CASP8: variants seen among roughly 807,000 people sequenced by gnomAD.
CASP8 encodes caspase 8.
In CASP8, 24 loss-of-function variants were observed where a neutral mutation model predicts 46.3. That is an observed-to-expected ratio of 0.52 (90% CI 0.38 to 0.73). CASP8 has a LOEUF of 0.73. CASP8 is among the 30% of genes least tolerant of loss of function. CASP8 has a pLI of 0.00. For synonymous variants in CASP8, 188 were observed against 200.4 expected (o/e 0.94, Z 0.52); for missense variants, 460 against 559.0 (o/e 0.82, Z 1.79).
intron 2 of CASP8, among the ~76,000 whole-genome samples, chr2:201,268,686 A>G (rs1948002921): frequency 6.6e-6 from 1 of 152,232 alleles, no homozygotes; most frequent in Admixed American, 6.5e-5. Context: ...TCAGAAGTCA[A>G]GATGCCAACA....
intron 7 of CASP8, among the ~76,000 whole-genome samples, chr2:201,277,274 G>A (rs1948696925): frequency 6.6e-6 from 1 of 152,126 alleles, no homozygotes. Flanking sequence ...GCGCTTCTGT[G>A]GAATGTATTA....
intron 2 of CASP8, among the ~76,000 whole-genome samples, chr2:201,255,449 C>T (rs1027276848): frequency 2.0e-5 from 3 of 152,138 alleles, no homozygotes; most frequent in Admixed American, 6.6e-5. Flanking sequence ...TTACAAATGG[C>T]ACAAGTTGAA....
chr2:201,237,966 C>A (rs1364899218), intron 2 of CASP8, among the ~76,000 whole-genome samples: 1 of 152,190 alleles, frequency 6.6e-6, no homozygotes, highest in Non-Finnish European at 1.5e-5. Flanking sequence ...AGAACAACCT[C>A]TTGGCAAATG....
chr2:201,249,885 A>G (rs1181637260), intron 2 of CASP8, among the ~76,000 whole-genome samples: 1 of 152,194 alleles, frequency 6.6e-6, no homozygotes, highest in African/African-American at 2.4e-5. Context: ...AGGGGAGGGC[A>G]AATCTGTTTT....
chr2:201,247,415 C>T (rs77249938), intron 2 of CASP8, among the ~76,000 whole-genome samples: 3,113 of 151,836 alleles, frequency 0.021, 51 homozygotes, highest in Non-Finnish European at 0.032. Context: ...CTGTCTGTGA[C>T]CTTGACCCTC....
chr2:201,253,359 T>C (rs889014225), intron 2 of CASP8, among the ~76,000 whole-genome samples: 2 of 136,592 alleles, frequency 1.5e-5, no homozygotes, highest in African/African-American at 5.3e-5. Context: ...TAGGTTACAG[T>C]AGCTATGTAG....
At chr2:201,285,372 C>G (rs1351370517) in intron 8 of CASP8, 55 bp downstream of exon 8, 2 of 1,581,198 alleles carry the variant, frequency 1.3e-6, no homozygotes, top group Middle Eastern at 2.3e-4. Flanking sequence ...CCCCCCTACT[C>G]CATCACACTA....
intron 2 of CASP8, chr2:201,243,075 G>A (rs1278651207): frequency 6.6e-6 from 1 of 152,174 alleles, no homozygotes; most frequent in Non-Finnish European, 1.5e-5. Flanking sequence ...CAGGGGCTGG[G>A]GAGGGGGGAA....
At chr2:201,271,167 T>A (rs747044316) in intron 2 of CASP8, among the ~76,000 whole-genome samples, 4 of 152,046 alleles carry the variant, frequency 2.6e-5, no homozygotes, top group Non-Finnish European at 5.9e-5. Flanking sequence ...CATGAGCCAA[T>A]GTGCATTTTG....
At chr2:201,235,656 T>A (rs1311629638) in intron 2 of CASP8, among the ~76,000 whole-genome samples, 2 of 152,334 alleles carry the variant, frequency 1.3e-5, no homozygotes, top group Middle Eastern at 3.4e-3. Flanking sequence ...TGAGATATGA[T>A]TGATATACAA....
Position 201,286,492 on chromosome 2 carries a change from G to C in CASP8, c.1338G>C (p.Val446=), listed in dbSNP as rs1224290070. Residue 446 remains valine (V), a synonymous_variant, in exon 9 of 9, where the codon GTG becomes GTC. Coordinates refer to ENST00000673742, the MANE Select transcript of CASP8 (RefSeq NM_001372051.1). ...ATATTCTCACCATCCTGACTGAAGT[G>C]AACTATGAAGTAAGCAACAAGGATG... The part of the protein sequence containing the change: ...GDDILTILTE[V]NYEVSNKDDK... 1.9e-6 allele frequency: 3 copies of C among 1,612,520 alleles called. No individual in the cohort carries two copies. Among genetic ancestry groups the C allele is most frequent in the Non-Finnish European group, 2.5e-6 (3 of 1,178,626 alleles).
chr2:201,246,801 A>C (rs1264631308), intron 2 of CASP8, among the ~76,000 whole-genome samples: 1 of 152,154 alleles, frequency 6.6e-6, no homozygotes, highest in Non-Finnish European at 1.5e-5. Flanking sequence ...GGAACGCAAA[A>C]TGTTCTTCAT....
At chr2:201,253,646 A>AATTTTATTTTT (rs1946886294) in intron 2 of CASP8, among the ~76,000 whole-genome samples, 2 of 152,266 alleles carry the variant, frequency 1.3e-5, no homozygotes, top group South Asian at 4.1e-4. Context: ...TTTATGGTAT[A>AATTTTATTTTT]TATATTTTAC....
At chr2:201,251,361 G>A (rs761502497) in intron 2 of CASP8, among the ~76,000 whole-genome samples, 15 of 152,108 alleles carry the variant, frequency 9.9e-5, no homozygotes, top group Non-Finnish European at 2.2e-4. Flanking sequence ...TTGGGAGGCT[G>A]AGGTGGGATC....
At chr2:201,275,532 G>A (rs1312214856) in intron 6 of CASP8, among the ~76,000 whole-genome samples, 1 of 152,212 alleles carries the variant, frequency 6.6e-6, no homozygotes, top group Non-Finnish European at 1.5e-5. Flanking sequence ...GGAAGAAGAG[G>A]AAATCCTGAA....
In CASP8 at chr2:201,280,128, T is replaced by C. The variant is rs539868634; in HGVS notation, c.802+3160T>C. 3.3e-5 allele frequency among the ~76,000 whole-genome samples: 5 copies of C among 152,176 alleles called. No homozygotes were observed. The East Asian group carries it at 9.7e-4, about 29-fold the overall frequency. On this transcript the variant is annotated intron_variant, in intron 7 of 8. Transcript: ENST00000673742. ...GTTAAAGGTCCATGAAAGAACAAGA[T>C]GTTATGAAAAAGGGACAGAACAAGC...
In CASP8 at chr2:201,287,347, A is replaced by G. The variant is rs1426395246; in HGVS notation, c.*753A>G. On this transcript the variant is annotated 3_prime_UTR_variant, in exon 9 of 9. Transcript: ENST00000673742. ...CAAGAGGTCAAGGCTGCAGTGAGCC[A>G]TGTTCACACCGCTGCACTCAAGCTT... is the stretch of plus-strand genomic sequence containing the variant. 6.6e-6 allele frequency: 1 copy of G among 152,520 alleles called. No individual in the cohort carries two copies. The highest frequency in any genetic ancestry group is 1.5e-5 in the Non-Finnish European group (1 of 68,222). 9.4% of individuals were successfully genotyped at this position (152,520 alleles called of 1,614,324 possible).
intron 2 of CASP8, among the ~76,000 whole-genome samples, chr2:201,238,034 T>C (rs1946129903): frequency 6.6e-6 from 1 of 152,210 alleles, no homozygotes; most frequent in African/African-American, 2.4e-5. Context: ...GAAAGAGATA[T>C]ACTAGGTGGG....
rs372368157 is a variant in CASP8 at position 201,239,355 on chromosome 2, C to T, written c.-27+5243C>T. Among the ~76,000 whole-genome samples, 39 of 152,250 alleles carry T rather than the reference C, an allele frequency of 2.6e-4. No homozygotes were observed. In the East Asian group the frequency reaches 6.4e-3, roughly 25 times the overall value. On this transcript the variant is annotated intron_variant, in intron 2 of 6. Coordinates refer to the CASP8 transcript ENST00000264274. ...CCCAGTAGGGGCGGCCGGGCAGAGG[C>T]GCCCCTCATCTCCCAGACGGGGCGG...
Sources: gnomAD v4.1 joint callset for allele counts (sites outside exome capture counted in the v4.1 genomes callset) on GRCh38, gnomAD v4.1.1 for gene constraint, MANE v1.5 for transcripts, NCBI Gene and HGNC (gene_info 2026-07-23, HGNC 2026-07-21) for gene names.